Variants in RIMS2 observed in about 807,000 individuals in gnomAD.
The protein encoded by RIMS2 is regulating synaptic membrane exocytosis protein 2.
Under a neutral mutation model 174.4 loss-of-function variants are expected in RIMS2, and 59 were observed. That is an observed-to-expected ratio of 0.34 (90% CI 0.27 to 0.42). The LOEUF (loss-of-function observed/expected upper bound fraction) is 0.42, where lower values mean the gene tolerates loss of function less well. Among genes scored for constraint, RIMS2 ranks in the 10% least tolerant of loss-of-function variants. The probability of loss-of-function intolerance (pLI) is 1.00; values close to 1 mark genes in which losing one functional copy is unlikely to be tolerated. For missense variants in RIMS2, 1,620 were observed against 1,666.3 expected (o/e 0.97, Z 0.48); for synonymous variants, 606 against 572.5 (o/e 1.06, Z -0.84).
At chr8:103,652,793 G>T in intron 1 of RIMS2, 83 bp downstream of exon 3, 2 of 797,278 alleles carry the variant, frequency 2.5e-6, no homozygotes, top group Non-Finnish European at 3.7e-6. Flanking sequence ...TACTGTCCTT[G>T]AAATAGTATG....
At position 103,910,305 on chromosome 8, in the gene RIMS2, T is replaced by TC; in HGVS notation, c.1692+104_1692+105insC. ...CTTTTTTGTATCTTTTTTTTTTTTT[T>TC]ATCCCATACCTGTAGGGGACAGTCA... is the stretch of plus-strand genomic sequence containing the variant. On this transcript the variant is annotated intron_variant, in intron 5 of 23. Coordinates refer to ENST00000504942, the Ensembl canonical transcript of RIMS2. 6.5e-7 allele frequency: 1 copy of TC among 1,529,872 alleles called. No individual in the cohort carries two copies. Among genetic ancestry groups the TC allele is most frequent in the Non-Finnish European group, 8.9e-7 (1 of 1,129,726 alleles). 94.8% of individuals were successfully genotyped at this position (1,529,872 alleles called of 1,614,324 possible).
chr8:103,951,593 C>A (rs72681398), intron 14 of RIMS2, among the ~76,000 whole-genome samples: 1 of 152,122 alleles, frequency 6.6e-6, no homozygotes. Context: ...TTCCCATGGT[C>A]TTCACATCCC....
At chr8:104,208,478 G>A (rs1349593410) in intron 19 of RIMS2, among the ~76,000 whole-genome samples, 2 of 151,852 alleles carry the variant, frequency 1.3e-5, no homozygotes, top group African/African-American at 4.8e-5. Flanking sequence ...TGAGGCAGGA[G>A]AATCGCTTCA....
In RIMS2 at chr8:103,935,995, T is replaced by A. The variant is rs528635495; in HGVS notation, c.2376-556T>A. 2.6e-5 allele frequency among the ~76,000 whole-genome samples: 4 copies of A among 152,276 alleles called. No individual in the cohort carries two copies. In the South Asian group the frequency reaches 6.2e-4, roughly 24 times the overall value. ...GGTGACTAGCTCACATAGAAATAAA[T>A]GTACAGTGTTTTAAAATACCAGATG... is the stretch of plus-strand genomic sequence containing the variant. On this transcript the variant is annotated intron_variant, in intron 12 of 23. Coordinates refer to ENST00000504942, the Ensembl canonical transcript of RIMS2.
At chr8:104,131,655 A>C (rs1468867749) in intron 19 of RIMS2, among the ~76,000 whole-genome samples, 1 of 152,140 alleles carries the variant, frequency 6.6e-6, no homozygotes, top group Non-Finnish European at 1.5e-5. Context: ...TGAGTAATAC[A>C]TTAAGCTAAA....
chr8:103,874,416 A>T (rs1257968850), intron 3 of RIMS2, among the ~76,000 whole-genome samples: 3 of 152,058 alleles, frequency 2.0e-5, no homozygotes, highest in Non-Finnish European at 4.4e-5. Context: ...AAGAAGAAAG[A>T]GAAATAGATG....
At chr8:104,254,559 G>A (rs549964675), downstream of RIMS2, 3 of 152,320 alleles carry the variant, frequency 2.0e-5, no homozygotes, top group East Asian at 5.8e-4. Flanking sequence ...TAAGTGGACT[G>A]CTGGTCTTAG....
intron 3 of RIMS2, among the ~76,000 whole-genome samples, chr8:103,852,652 A>G (rs749204009): frequency 1.3e-5 from 2 of 151,812 alleles, no homozygotes; most frequent in African/African-American, 4.8e-5. Flanking sequence ...GTAAGACCAT[A>G]TGGTATATGG....
chr8:103,965,845 A>G (rs1327055244), intron 15 of RIMS2, among the ~76,000 whole-genome samples: 1 of 152,082 alleles, frequency 6.6e-6, no homozygotes, highest in Non-Finnish European at 1.5e-5. Context: ...GGGAGTTTTT[A>G]GTAAATTCAG....
intron 1 of RIMS2, among the ~76,000 whole-genome samples, chr8:103,562,187 TC>T (rs1312081222): frequency 6.6e-6 from 1 of 152,104 alleles, no homozygotes; most frequent in Non-Finnish European, 1.5e-5. Context: ...TTCCTAACAG[TC>T]TCCCAAAGTC....
chr8:104,022,234 T>G (rs2096118357), intron 19 of RIMS2, among the ~76,000 whole-genome samples: 1 of 152,182 alleles, frequency 6.6e-6, no homozygotes. Context: ...TTGATTGGTT[T>G]TACAAAGGCA....
At chr8:103,854,216 T>G (rs2099014480) in intron 3 of RIMS2, among the ~76,000 whole-genome samples, 1 of 151,998 alleles carries the variant, frequency 6.6e-6, no homozygotes, top group Admixed American at 6.6e-5. Context: ...TGACTAATTT[T>G]TTACATTGAT....
At chr8:104,057,064 T>C (rs1392019553) in intron 19 of RIMS2, among the ~76,000 whole-genome samples, 1 of 104,686 alleles carries the variant, frequency 9.6e-6, no homozygotes, top group Non-Finnish European at 2.4e-5. Flanking sequence ...TTTCTTTTTC[T>C]TTTTTTTTTT....
intron 2 of RIMS2, among the ~76,000 whole-genome samples, chr8:103,725,246 G>C (rs537190212): frequency 6.6e-6 from 1 of 151,904 alleles, no homozygotes; most frequent in Non-Finnish European, 1.5e-5. Context: ...AGTGTAACTT[G>C]TACATAATAA....
chr8:104,068,998 A>G (rs972302880), intron 19 of RIMS2, among the ~76,000 whole-genome samples: 39 of 152,222 alleles, frequency 2.6e-4, no homozygotes, highest in African/African-American at 9.4e-4. Flanking sequence ...CAAAATACAA[A>G]TGGTGCCTGC....
chr8:104,092,511 G>T (rs1203079058), intron 19 of RIMS2, among the ~76,000 whole-genome samples: 1 of 151,818 alleles, frequency 6.6e-6, no homozygotes, highest in African/African-American at 2.4e-5. Flanking sequence ...TTGTAATAAT[G>T]CAGTAATAAT....
intron 1 of RIMS2, among the ~76,000 whole-genome samples, chr8:103,607,205 A>G (rs2095142769): frequency 6.6e-6 from 1 of 152,158 alleles, no homozygotes. Flanking sequence ...TCGTGGTGAC[A>G]AAATCTCTCA....
At chr8:103,548,370 A>G (rs941534701) in intron 1 of RIMS2, among the ~76,000 whole-genome samples, 1 of 152,238 alleles carries the variant, frequency 6.6e-6, no homozygotes, top group Non-Finnish European at 1.5e-5. Context: ...TATGCCAATC[A>G]ATAAATGTGA....
chr8:103,648,629 A>C (rs1205597054), intron 1 of RIMS2, among the ~76,000 whole-genome samples: 1 of 152,176 alleles, frequency 6.6e-6, no homozygotes, highest in African/African-American at 2.4e-5. Flanking sequence ...CTCCTGTATT[A>C]GGTGCATATA....
Sources: gnomAD v4.1 joint callset for allele counts (sites outside exome capture counted in the v4.1 genomes callset) on GRCh38, gnomAD v4.1.1 for gene constraint, MANE v1.5 for transcripts, NCBI Gene and HGNC (gene_info 2026-07-23, HGNC 2026-07-21) for gene names.